The following MAF variants were observed in gnomAD, a reference collection of about 807,000 sequenced individuals.
MAF encodes MAF bZIP transcription factor.
Under a neutral mutation model 22.0 loss-of-function variants are expected in MAF, and 10 were observed. The ratio of observed to expected loss-of-function variants is 0.45; its 90% CI spans 0.28 to 0.77. The LOEUF (loss-of-function observed/expected upper bound fraction) is 0.77. Among genes scored for constraint, MAF ranks in the 30% least tolerant of loss-of-function variants. The pLI is 0.12. For missense variants in MAF, 544 were observed against 548.4 expected (o/e 0.99, Z 0.08); for synonymous variants, 337 against 255.8 (o/e 1.32, Z -3.03).
the MAF span, among the ~76,000 whole-genome samples, chr16:79,324,964 G>A: frequency 6.6e-6 from 1 of 152,192 alleles, no homozygotes; most frequent in African/African-American, 2.4e-5. Flanking sequence ...GTGCTCTGTG[G>A]CTTATAGACA....
At chr16:79,326,650 G>C in the MAF span, among the ~76,000 whole-genome samples, 1 of 152,284 alleles carries the variant, frequency 6.6e-6, no homozygotes, top group Admixed American at 6.5e-5. Flanking sequence ...GGTTTCTGTT[G>C]CAACTGTTTA....
the MAF span, among the ~76,000 whole-genome samples, chr16:79,321,500 A>T: frequency 6.6e-6 from 1 of 152,208 alleles, no homozygotes; most frequent in Admixed American, 6.5e-5. Flanking sequence ...ACAGAAAGCA[A>T]GCAATGTGCT....
chr16:79,515,812 C>G, the MAF span, among the ~76,000 whole-genome samples: 3 of 152,174 alleles, frequency 2.0e-5, no homozygotes, highest in Non-Finnish European at 4.4e-5. Flanking sequence ...GTGATGGAAT[C>G]ACTACATTCT....
chr16:79,527,059 A>T, the MAF span, among the ~76,000 whole-genome samples: 1 of 152,188 alleles, frequency 6.6e-6, no homozygotes, highest in Non-Finnish European at 1.5e-5. Flanking sequence ...TAACTCCAAC[A>T]CACCAGTGCT....
At chr16:79,390,604 G>C in the MAF span, among the ~76,000 whole-genome samples, 1 of 152,156 alleles carries the variant, frequency 6.6e-6, no homozygotes, top group Non-Finnish European at 1.5e-5. Flanking sequence ...AACCCGGCTT[G>C]GAGGTGCATT....
the MAF span, among the ~76,000 whole-genome samples, chr16:79,452,654 T>C: frequency 6.6e-6 from 1 of 152,174 alleles, no homozygotes; most frequent in Non-Finnish European, 1.5e-5. Context: ...ATTGCTTCTA[T>C]TTGGGCACCT....
the MAF span, among the ~76,000 whole-genome samples, chr16:79,334,576 A>G: frequency 2.6e-5 from 4 of 152,264 alleles, no homozygotes; most frequent in African/African-American, 9.6e-5. Flanking sequence ...CCCAATGCAA[A>G]ATGAAAACGA....
the MAF span, among the ~76,000 whole-genome samples, chr16:79,323,172 A>C: frequency 5.7e-5 from 8 of 139,938 alleles, no homozygotes; most frequent in African/African-American, 1.7e-4. Context: ...AAAAAAAAAA[A>C]AAAAAAAAAA....
chr16:79,528,130 T>C, the MAF span, among the ~76,000 whole-genome samples: 8 of 152,098 alleles, frequency 5.3e-5, no homozygotes, highest in African/African-American at 1.9e-4. Flanking sequence ...CAACAGAGCG[T>C]GACTCTGTCT....
the MAF span, among the ~76,000 whole-genome samples, chr16:79,452,998 G>C: frequency 6.6e-6 from 1 of 152,204 alleles, no homozygotes; most frequent in Non-Finnish European, 1.5e-5. Context: ...TTTTCATAAT[G>C]AGAGCTCACT....
chr16:79,487,909 T>A, the MAF span, among the ~76,000 whole-genome samples: 1 of 152,202 alleles, frequency 6.6e-6, no homozygotes. Context: ...TAAATGAGAA[T>A]CTTTCCACGC....
the MAF span, among the ~76,000 whole-genome samples, chr16:79,542,638 C>T: frequency 3.1e-3 from 473 of 152,312 alleles, 2 homozygotes; most frequent in Non-Finnish European, 4.0e-3. Flanking sequence ...TTAGCAAAGC[C>T]GCTCTTGGCC....
chr16:79,383,113 C>T, the MAF span, among the ~76,000 whole-genome samples: 1 of 152,234 alleles, frequency 6.6e-6, no homozygotes, highest in South Asian at 2.1e-4. Flanking sequence ...ATGTAAACCA[C>T]TGGAGAAATT....
chr16:79,441,306 G>A, the MAF span, among the ~76,000 whole-genome samples: 2 of 152,172 alleles, frequency 1.3e-5, no homozygotes, highest in African/African-American at 2.4e-5. Flanking sequence ...GTGTTTTCCT[G>A]TTTTTCCCAA....
chr16:79,241,751 C>T, the MAF span, among the ~76,000 whole-genome samples: 1 of 151,838 alleles, frequency 6.6e-6, no homozygotes, highest in Non-Finnish European at 1.5e-5. Context: ...TCAGATTCAC[C>T]AAGGTTGAAA....
chr16:79,260,576 T>A, the MAF span, among the ~76,000 whole-genome samples: 1 of 152,102 alleles, frequency 6.6e-6, no homozygotes, highest in Admixed American at 6.5e-5. Context: ...TAAAATTGTA[T>A]TCCCAATACA....
the MAF span, among the ~76,000 whole-genome samples, chr16:79,516,598 G>A: frequency 3.2e-4 from 49 of 152,324 alleles, no homozygotes; most frequent in Non-Finnish European, 6.9e-4. Flanking sequence ...TTTACTCTGT[G>A]CTAGACACTG....
the MAF span, among the ~76,000 whole-genome samples, chr16:79,486,266 G>A: frequency 8.1e-4 from 124 of 152,194 alleles, no homozygotes; most frequent in African/African-American, 2.9e-3. Context: ...AGTAGCTGCA[G>A]AATGAGAAAA....
At chr16:79,533,154 G>C in the MAF span, among the ~76,000 whole-genome samples, 1 of 152,114 alleles carries the variant, frequency 6.6e-6, no homozygotes, top group Non-Finnish European at 1.5e-5. Flanking sequence ...CATGGATCAA[G>C]AACATTAGCC....
Sources: gnomAD v4.1 joint callset for allele counts (sites outside exome capture counted in the v4.1 genomes callset) on GRCh38, gnomAD v4.1.1 for gene constraint, MANE v1.5 for transcripts, NCBI Gene and HGNC (gene_info 2026-07-23, HGNC 2026-07-21) for gene names.